Variants in CACNG3 observed in about 807,000 individuals in gnomAD.
CACNG3 encodes the protein voltage-dependent calcium channel gamma-3 subunit.
CACNG3 carries 3 observed loss-of-function variants against 28.5 expected under a neutral mutation model. That is an observed-to-expected ratio of 0.11 (90% CI 0.05 to 0.27). The LOEUF is 0.27. Ranked by LOEUF, CACNG3 falls within the 10% of genes least tolerant of loss-of-function variation. The pLI, the probability that CACNG3 is intolerant of heterozygous loss-of-function variation, is 1.00. For missense variants in CACNG3, 236 were observed against 414.4 expected, an observed-to-expected ratio of 0.57 and a Z score of 3.74; for synonymous variants, 174 against 162.2, an observed-to-expected ratio of 1.07 and a Z score of -0.55.
chr16:24,294,368 C>T (rs754616783), intron 1 of CACNG3, among the ~76,000 whole-genome samples: 6 of 152,098 alleles, frequency 3.9e-5, no homozygotes, highest in East Asian at 1.9e-4. Flanking sequence ...GGTCCCCAGC[C>T]GCTGTTCATT....
At chr16:24,299,605 A>G (rs1596633242) in intron 1 of CACNG3, among the ~76,000 whole-genome samples, 1 of 152,360 alleles carries the variant, frequency 6.6e-6, no homozygotes, top group East Asian at 1.9e-4. Context: ...GTGTATATAT[A>G]GCAACCCATG....
chr16:24,336,551 A>G (rs1899713177), intron 1 of CACNG3, among the ~76,000 whole-genome samples: 1 of 94,422 alleles, frequency 1.1e-5, no homozygotes, highest in South Asian at 4.5e-4. Flanking sequence ...CTGGGATTAC[A>G]GGCGTGAGCC....
chr16:24,322,923 G>A (rs757984479), intron 1 of CACNG3, among the ~76,000 whole-genome samples: 9 of 151,826 alleles, frequency 5.9e-5, no homozygotes, highest in Non-Finnish European at 1.0e-4. Context: ...TATATTTTTC[G>A]CCTTACAAAA....
chr16:24,257,459 T>C (rs1403605652), intron 1 of CACNG3, among the ~76,000 whole-genome samples: 1 of 150,430 alleles, frequency 6.6e-6, no homozygotes, highest in South Asian at 2.1e-4. Flanking sequence ...TTCTGAGCTA[T>C]TTCATTATTT....
chr16:24,362,021 T>C lies in CACNG3; in HGVS notation c.*158T>C. ...CCTCTCCCACATTTTCCCCTCACCC[T>C]CCAAGTCCTAACCCCTCCATCCTCT... On this transcript the variant is annotated 3_prime_UTR_variant, in exon 4 of 4. Transcript: ENST00000005284. 1.5e-6 allele frequency: 1 copy of C among 677,936 alleles called. No homozygotes were observed. The allele number at this position is 677,936 out of a possible 1,614,324, so 42.0% of individuals were successfully genotyped here.
At chr16:24,342,554 A>C (rs917344174) in intron 1 of CACNG3, among the ~76,000 whole-genome samples, 1 of 152,160 alleles carries the variant, frequency 6.6e-6, no homozygotes, top group Non-Finnish European at 1.5e-5. Context: ...TTGTTGTTAA[A>C]CAGCCAGAGA....
chr16:24,309,867 G>T (rs543457950), intron 1 of CACNG3, among the ~76,000 whole-genome samples: 4 of 152,172 alleles, frequency 2.6e-5, no homozygotes, highest in Admixed American at 6.5e-5. Flanking sequence ...AGGGGGTCGG[G>T]ATGAGGGCTG....
At chr16:24,299,847 G>T (rs1201910188) in intron 1 of CACNG3, among the ~76,000 whole-genome samples, 1 of 152,086 alleles carries the variant, frequency 6.6e-6, no homozygotes. Context: ...GGGAGAGGGG[G>T]TAGGGGAAGA....
intron 2 of CACNG3, among the ~76,000 whole-genome samples, chr16:24,347,387 A>AAGGAAGGAAGGC (rs1223777046): frequency 6.6e-6 from 1 of 152,096 alleles, no homozygotes; most frequent in African/African-American, 2.4e-5. Flanking sequence ...AGAAGGGAGG[A>AAGGAAGGAAGGC]AGGAAGGAAG....
intron 1 of CACNG3, among the ~76,000 whole-genome samples, chr16:24,312,689 A>C (rs1486386590): frequency 2.0e-5 from 3 of 151,688 alleles, no homozygotes; most frequent in Non-Finnish European, 4.4e-5. Flanking sequence ...ACTGTGGCAC[A>C]CACCTGCAGT....
chr16:24,356,568 G>C (rs541693857), intron 3 of CACNG3, among the ~76,000 whole-genome samples: 3 of 152,152 alleles, frequency 2.0e-5, no homozygotes, highest in Non-Finnish European at 4.4e-5. Flanking sequence ...TAGGCCTGGT[G>C]GTGGGTGCCT....
chr16:24,288,600 C>G (rs1023200237), intron 1 of CACNG3, among the ~76,000 whole-genome samples: 1 of 152,170 alleles, frequency 6.6e-6, no homozygotes, highest in African/African-American at 2.4e-5. Flanking sequence ...GTCTTTTCCC[C>G]TTCATCTTCT....
At chr16:24,260,841 C>T (rs1479619142) in intron 1 of CACNG3, among the ~76,000 whole-genome samples, 1 of 152,164 alleles carries the variant, frequency 6.6e-6, no homozygotes, top group African/African-American at 2.4e-5. Flanking sequence ...CTGGAAAGCA[C>T]GGGAGGCATT....
intron 1 of CACNG3, among the ~76,000 whole-genome samples, chr16:24,324,351 T>C (rs1859204): frequency 0.74 from 112,516 of 152,064 alleles, 41,769 homozygotes; most frequent in Middle Eastern, 0.86. Context: ...CCTTGCTAAA[T>C]CTGCCTCTTG....
intron 3 of CACNG3, among the ~76,000 whole-genome samples, chr16:24,358,048 T>A (rs1325619667): frequency 1.3e-5 from 2 of 152,198 alleles, no homozygotes; most frequent in African/African-American, 2.4e-5. Context: ...AAGATCTTGT[T>A]TTTCCACCTC....
chr16:24,321,402 C>T (rs757550687), intron 1 of CACNG3, among the ~76,000 whole-genome samples: 20 of 152,074 alleles, frequency 1.3e-4, no homozygotes, highest in African/African-American at 3.6e-4. Flanking sequence ...GATCTCACCA[C>T]TGCACTCCCG....
chr16:24,357,008 G>A (rs146477599), intron 3 of CACNG3, among the ~76,000 whole-genome samples: 15 of 152,116 alleles, frequency 9.9e-5, no homozygotes, highest in East Asian at 9.7e-4. Flanking sequence ...AGGCTGAGGC[G>A]GGTGGATCAT....
At position 24,321,493 on chromosome 16, in the gene CACNG3, T is replaced by A. The variant is rs551118948; in HGVS notation, c.212-25241T>A. ...TAAAAGAAATAGAAATAAAGAGTTG[T>A]CTCGGTTATCAGATGGATTGTGTTA... On this transcript the variant is annotated intron_variant, in intron 1 of 3. Transcript: ENST00000005284. Among the ~76,000 whole-genome samples the A allele has an allele frequency of 2.7e-3, 417 of 152,224 alleles. 1 individual carries two copies. Among genetic ancestry groups the A allele is most frequent in the African/African-American group, 9.2e-3 (383 of 41,540 alleles).
intron 1 of CACNG3, among the ~76,000 whole-genome samples, chr16:24,298,076 A>T (rs1899056702): frequency 6.6e-6 from 1 of 152,092 alleles, no homozygotes; most frequent in Admixed American, 6.6e-5. Flanking sequence ...GAAAATTTAG[A>T]AAATTAAAAT....
Sources: gnomAD v4.1 joint callset for allele counts (sites outside exome capture counted in the v4.1 genomes callset) on GRCh38, gnomAD v4.1.1 for gene constraint, MANE v1.5 for transcripts, NCBI Gene and HGNC (gene_info 2026-07-23, HGNC 2026-07-21) for gene names.